The following CDH5 variants were observed in gnomAD, a reference collection of about 807,000 sequenced individuals.
The protein encoded by CDH5 is cadherin 5.
In CDH5, 28 loss-of-function variants were observed where a neutral mutation model predicts 62.0. That is an observed-to-expected ratio of 0.45 (90% CI 0.33 to 0.62). The LOEUF is 0.62. Among genes scored for constraint, CDH5 ranks in the 20% least tolerant of loss-of-function variants. The pLI is 0.02. For missense variants in CDH5, 940 were observed against 1,065.1 expected, an observed-to-expected ratio of 0.88 and a Z score of 1.63; for synonymous variants, 464 against 445.8, an observed-to-expected ratio of 1.04 and a Z score of -0.52.
At chr16:66,381,398 T>A (rs1325848925) in intron 2 of CDH5, among the ~76,000 whole-genome samples, 2 of 152,212 alleles carry the variant, frequency 1.3e-5, no homozygotes, top group Non-Finnish European at 2.9e-5. Context: ...TGCCTTACCA[T>A]GTCAAACTGT....
At chr16:66,370,263 G>A (rs904656212) in intron 1 of CDH5, among the ~76,000 whole-genome samples, 5 of 152,110 alleles carry the variant, frequency 3.3e-5, no homozygotes, top group African/African-American at 4.8e-5. Flanking sequence ...GCCTCCCAAA[G>A]TGCTGGGATT....
At chr16:66,397,204 A>T (rs1406254733) in intron 8 of CDH5, among the ~76,000 whole-genome samples, 2 of 151,608 alleles carry the variant, frequency 1.3e-5, no homozygotes, top group African/African-American at 4.8e-5. Context: ...TTCCAGAACC[A>T]CTTTCTCATG....
Position 66,392,789 on chromosome 16 carries a change from A to T in CDH5, c.1217+406A>T. The T allele has an allele frequency of 1.2e-4, 23 of 194,582 alleles. No individual in the cohort carries two copies. The East Asian group carries it at 1.6e-3, about 14-fold the overall frequency. 12.1% of individuals were successfully genotyped at this position (194,582 alleles called of 1,614,324 possible). A position where few individuals can be genotyped will look rare whatever the true frequency, so the allele number is the denominator to read the frequency against. Reference sequence around the variant, plus strand: ...CACAAAAGTAAGAAGTGTTCATTTTATACAGTGAAACAACACAGAGATCTA... The same window carrying T: ...CACAAAAGTAAGAAGTGTTCATTTTTTACAGTGAAACAACACAGAGATCTA... On this transcript the variant is annotated intron_variant, in intron 7 of 11. Transcript: ENST00000341529.
At chr16:66,389,281 T>TTC in intron 4 of CDH5, 77 bp from the exon 5 acceptor site, 1 of 1,434,754 alleles carries the variant, frequency 7.0e-7, no homozygotes, top group East Asian at 2.3e-5. Context: ...TTAAGTCAGG[T>TTC]TCTCTCTGGG....
At chr16:66,397,694 A>C (rs1397853158) in intron 8 of CDH5, among the ~76,000 whole-genome samples, 1 of 152,194 alleles carries the variant, frequency 6.6e-6, no homozygotes, top group African/African-American at 2.4e-5. Context: ...TAATCAAATA[A>C]TTAAATTTTT....
intron 1 of CDH5, 127 bp downstream of exon 1, chr16:66,366,885 G>A (rs934800184): frequency 6.6e-6 from 1 of 152,328 alleles, no homozygotes; most frequent in Non-Finnish European, 1.5e-5. Context: ...GAGGCTCCTC[G>A]AGGGCACGCT....
intron 2 of CDH5, among the ~76,000 whole-genome samples, chr16:66,383,269 A>G (rs1190607413): frequency 1.3e-5 from 2 of 152,200 alleles, no homozygotes; most frequent in African/African-American, 4.8e-5. Context: ...CTGGTAAATA[A>G]TAATGCATCC....
chr16:66,381,667 G>A (rs1410265846), intron 2 of CDH5, among the ~76,000 whole-genome samples: 1 of 152,180 alleles, frequency 6.6e-6, no homozygotes. Context: ...AACAACAGTG[G>A]GCTAAGACAG....
intron 2 of CDH5, 34 bp downstream of exon 2, chr16:66,379,581 C>G (rs773441175): frequency 1.3e-6 from 2 of 1,588,762 alleles, no homozygotes; most frequent in Non-Finnish European, 1.7e-6. Context: ...GAGAAGCCAT[C>G]AGCAGCTGGC....
chr16:66,401,698 A>G (rs541049554), intron 11 of CDH5, among the ~76,000 whole-genome samples: 24 of 152,310 alleles, frequency 1.6e-4, no homozygotes, highest in African/African-American at 4.8e-4. Flanking sequence ...GAATGTTCCC[A>G]TCGTGAGGAA....
In CDH5 at chr16:66,404,131, C is replaced by T. The variant is rs1449661304; in HGVS notation, c.*962C>T. On this transcript the variant is annotated 3_prime_UTR_variant, in exon 12 of 12. Coordinates refer to ENST00000341529, the MANE Select transcript of CDH5 (RefSeq NM_001795.5). ...TTTCTTTTCTCTGTCTACTCCTTAT[C>T]CCTTGGTTTAGAGGAACCCAAGATG... 6.5e-6 allele frequency: 1 copy of T among 152,680 alleles called. No individual in the cohort carries two copies. The highest frequency in any genetic ancestry group is 6.5e-5 in the Admixed American group (1 of 15,288). The allele number at this position is 152,680 out of a possible 1,614,324, so 9.5% of individuals were successfully genotyped here.
chr16:66,384,689 G>A (rs1477410074), intron 2 of CDH5, among the ~76,000 whole-genome samples: 1 of 146,600 alleles, frequency 6.8e-6, no homozygotes, highest in African/African-American at 2.5e-5. Flanking sequence ...AAAGAGGCTG[G>A]GCGTGGTGGC....
chr16:66,401,419 T>C (rs533943863), intron 11 of CDH5, among the ~76,000 whole-genome samples: 4 of 152,386 alleles, frequency 2.6e-5, no homozygotes, highest in South Asian at 2.1e-4. Context: ...AGTTCTAAAA[T>C]GGAAAGTTTA....
At chr16:66,400,670 A>G in intron 10 of CDH5, 101 bp from the exon 11 acceptor site, 1 of 1,408,586 alleles carries the variant, frequency 7.1e-7, no homozygotes, top group Non-Finnish European at 1.0e-6. Context: ...CAGCCCAGGG[A>G]GCACGCAGGC....
At chr16:66,399,777 T>C (rs1961249598) in intron 10 of CDH5, among the ~76,000 whole-genome samples, 1 of 152,250 alleles carries the variant, frequency 6.6e-6, no homozygotes, top group Non-Finnish European at 1.5e-5. Context: ...AATTCACTTA[T>C]ATCATGAACA....
intron 8 of CDH5, 24 bp downstream of exon 8, chr16:66,396,225 C>T (rs199862049): frequency 1.9e-6 from 3 of 1,613,060 alleles, no homozygotes; most frequent in Admixed American, 1.7e-5. Flanking sequence ...TCTGCCAGGG[C>T]ACCTGGATTC....
At position 66,402,731 on chromosome 16, in the gene CDH5, C is replaced by T. The variant is rs866950107; in HGVS notation, c.1917C>T (p.His639=). Reference sequence around the variant, plus strand: ...ACGGCAAGAGCGTGCCGGAGATCCACGAGCAGCTGGTCACCTACGACGAGG... The same window carrying T: ...ACGGCAAGAGCGTGCCGGAGATCCATGAGCAGCTGGTCACCTACGACGAGG... ...RAHGKSVPEI[H]EQLVTYDEEG... The change falls in exon 12 of 12, where the codon CAC becomes CAT. Residue 639 remains histidine (H), a synonymous_variant. Coordinates refer to ENST00000341529, the MANE Select transcript of CDH5 (RefSeq NM_001795.5). 23 of 1,609,638 alleles carry T rather than the reference C, an allele frequency of 1.4e-5. No homozygotes were observed. The highest frequency in any genetic ancestry group is 2.2e-5 in the East Asian group (1 of 44,750).
intron 1 of CDH5, chr16:66,377,606 G>C (rs1239419418): frequency 2.6e-5 from 4 of 152,322 alleles, no homozygotes; most frequent in Non-Finnish European, 5.9e-5. Context: ...CCAGACAGGG[G>C]ACAGTCAAGG....
chr16:66,367,625 T>C (rs1247878533), intron 1 of CDH5, among the ~76,000 whole-genome samples: 1 of 152,020 alleles, frequency 6.6e-6, no homozygotes, highest in African/African-American at 2.4e-5. Flanking sequence ...CAAACCACAG[T>C]GGGGAACAAG....
Sources: gnomAD v4.1 joint callset for allele counts (sites outside exome capture counted in the v4.1 genomes callset) on GRCh38, gnomAD v4.1.1 for gene constraint, MANE v1.5 for transcripts, NCBI Gene and HGNC (gene_info 2026-07-23, HGNC 2026-07-21) for gene names.